The following BANP variants were observed in gnomAD, a reference collection of about 807,000 sequenced individuals.
BANP encodes the protein BTG3 associated nuclear protein.
In BANP, 11 loss-of-function variants were observed where a neutral mutation model predicts 68.1. The observed-to-expected ratio is 0.16, with a 90% CI of 0.10 to 0.27. BANP has a LOEUF of 0.27. BANP is among the 10% of genes least tolerant of loss of function. The probability of loss-of-function intolerance (pLI) is 1.00; values close to 1 mark genes in which losing one functional copy is unlikely to be tolerated. For synonymous variants in BANP, 329 were observed against 303.2 expected (o/e 1.09, Z -0.88); for missense variants, 504 against 722.7 (o/e 0.70, Z 3.47).
intron 8 of BANP, among the ~76,000 whole-genome samples, chr16:88,029,837 G>C (rs1021311695): frequency 6.6e-6 from 1 of 152,234 alleles, no homozygotes; most frequent in Non-Finnish European, 1.5e-5. Flanking sequence ...CTGCATGGAG[G>C]AGATGGGTTG....
chr16:88,063,989 G>A (rs1273384369), intron 11 of BANP, among the ~76,000 whole-genome samples: 1 of 152,186 alleles, frequency 6.6e-6, no homozygotes, highest in Non-Finnish European at 1.5e-5. Flanking sequence ...AGAAATGAGC[G>A]AAACACTTAA....
At chr16:88,069,185 G>C (rs1307527579) in intron 12 of BANP, among the ~76,000 whole-genome samples, 4 of 152,218 alleles carry the variant, frequency 2.6e-5, no homozygotes, top group Non-Finnish European at 5.9e-5. Flanking sequence ...TCATGGGAAG[G>C]GGCAGCTGTG....
Position 88,072,099 on chromosome 16 carries a change from GCCT to G in BANP, c.1413_1415del (p.Ser472del). On this transcript the variant is annotated inframe_deletion, in exon 13 of 14. Transcript: ENST00000682872. ...GCAGGGTGCACAGCTGATCGCCGTGGCCTCCTCGGACCCCGCGGCGGCGGGCGT... is the reference window on the plus strand; with the variant it reads ...GCAGGGTGCACAGCTGATCGCCGTGGCCTCGGACCCCGCGGCGGCGGGCGT... 6.3e-7 allele frequency: 1 copy of G among 1,599,382 alleles called. No homozygotes were observed. Among genetic ancestry groups the G allele is most frequent in the South Asian group, 1.1e-5 (1 of 89,132 alleles).
At chr16:87,962,139 C>T (rs1325366895) in intron 1 of BANP, among the ~76,000 whole-genome samples, 1 of 149,612 alleles carries the variant, frequency 6.7e-6, no homozygotes, top group Non-Finnish European at 1.5e-5. Flanking sequence ...ACTCTGGAGG[C>T]TGAGGCAGGA....
chr16:87,999,406 C>G, intron 4 of BANP, among the ~76,000 whole-genome samples: 1 of 122,414 alleles, frequency 8.2e-6, no homozygotes, highest in Non-Finnish European at 1.7e-5. Context: ...CTGGACTTAC[C>G]TGTCCTTCCA....
At chr16:87,971,157 T>C (rs544813276) in intron 1 of BANP, among the ~76,000 whole-genome samples, 1 of 152,328 alleles carries the variant, frequency 6.6e-6, no homozygotes, top group African/African-American at 2.4e-5. Context: ...CATTGTAACA[T>C]TGGTTTTTGT....
intron 12 of BANP, among the ~76,000 whole-genome samples, chr16:88,068,058 C>T (rs534388357): frequency 1.6e-4 from 24 of 152,358 alleles, no homozygotes; most frequent in South Asian, 8.3e-4. Flanking sequence ...CACTGCTCTG[C>T]GTGTGGCCAC....
chr16:88,001,733 A>G (rs999491437), intron 4 of BANP, among the ~76,000 whole-genome samples: 3 of 152,164 alleles, frequency 2.0e-5, no homozygotes, highest in Admixed American at 6.5e-5. Context: ...CGTCTCACCA[A>G]TGAGCTTTTG....
At chr16:87,976,213 G>C (rs1423798728) in intron 2 of BANP, among the ~76,000 whole-genome samples, 9 of 152,204 alleles carry the variant, frequency 5.9e-5, no homozygotes, top group Admixed American at 5.9e-4. Flanking sequence ...TGCTACATGT[G>C]TTTAAATTTT....
chr16:88,020,965 G>C (rs542578163), intron 7 of BANP, among the ~76,000 whole-genome samples: 4 of 152,320 alleles, frequency 2.6e-5, no homozygotes, highest in African/African-American at 9.6e-5. Context: ...TCCATGTAGG[G>C]CGGTGGAAGG....
At chr16:87,965,183 G>A (rs2059810731) in intron 1 of BANP, among the ~76,000 whole-genome samples, 1 of 152,186 alleles carries the variant, frequency 6.6e-6, no homozygotes, top group Non-Finnish European at 1.5e-5. Context: ...CAGGCAGGGA[G>A]GACAGCGTGG....
At chr16:87,961,611 A>G (rs2059172519) in intron 1 of BANP, among the ~76,000 whole-genome samples, 1 of 152,198 alleles carries the variant, frequency 6.6e-6, no homozygotes, top group Non-Finnish European at 1.5e-5. Flanking sequence ...CCCTCTTCTC[A>G]TTAAGGTTTT....
intron 9 of BANP, among the ~76,000 whole-genome samples, chr16:88,034,279 GT>G (rs1348932205): frequency 7.2e-5 from 11 of 152,196 alleles, no homozygotes; most frequent in African/African-American, 2.7e-4. Context: ...CATCTTGTTA[GT>G]AAGAAGTTCT....
intron 1 of BANP, among the ~76,000 whole-genome samples, chr16:87,972,459 T>A (rs12931143): frequency 7.7e-6 from 1 of 130,012 alleles, no homozygotes; most frequent in Non-Finnish European, 1.5e-5. Context: ...TTTTGGGGGA[T>A]ATATGTTTCT....
chr16:88,067,697 G>T (rs951346406), intron 12 of BANP, among the ~76,000 whole-genome samples: 1 of 152,018 alleles, frequency 6.6e-6, no homozygotes, highest in African/African-American at 2.4e-5. Flanking sequence ...ACCCTGCCAT[G>T]CTCTGGCCAC....
At chr16:88,049,457 C>T (rs2082748005) in intron 11 of BANP, among the ~76,000 whole-genome samples, 1 of 152,096 alleles carries the variant, frequency 6.6e-6, no homozygotes, top group Non-Finnish European at 1.5e-5. Flanking sequence ...CTGAACCTGC[C>T]CTCTTGGGTT....
chr16:88,022,083 C>G (rs1264785874), intron 7 of BANP, among the ~76,000 whole-genome samples: 3 of 152,138 alleles, frequency 2.0e-5, no homozygotes, highest in African/African-American at 4.8e-5. Flanking sequence ...GGCAGCTAAC[C>G]AAATTTGTGT....
chr16:88,050,868 A>G (rs1032357167), intron 11 of BANP, among the ~76,000 whole-genome samples: 1 of 151,562 alleles, frequency 6.6e-6, no homozygotes, highest in Admixed American at 6.6e-5. Flanking sequence ...TTTTATTTTT[A>G]TAGAGACGGG....
At chr16:88,068,076 G>A (rs1200379098) in intron 12 of BANP, among the ~76,000 whole-genome samples, 3 of 152,218 alleles carry the variant, frequency 2.0e-5, no homozygotes, top group East Asian at 1.9e-4. Context: ...CACGCACTTC[G>A]TTTCCATTTT....
Sources: allele counts gnomAD v4.1 joint callset (sites outside exome capture counted in the v4.1 genomes callset), GRCh38; gene constraint gnomAD v4.1.1; transcripts MANE v1.5; gene names NCBI Gene and HGNC (gene_info 2026-07-23, HGNC 2026-07-21).